The following SPPL2A variants were observed in gnomAD, a reference collection of about 807,000 sequenced individuals.
SPPL2A encodes signal peptide peptidase-like 2A.
In SPPL2A, 51 loss-of-function variants were observed where a neutral mutation model predicts 63.8. The ratio of observed to expected loss-of-function variants is 0.80; its 90% CI spans 0.64 to 1.01. The LOEUF is 1.01. Ranked by LOEUF, SPPL2A falls within the 50% of genes least tolerant of loss-of-function variation. The probability of loss-of-function intolerance (pLI) is 0.00; values close to 1 mark genes in which losing one functional copy is unlikely to be tolerated. For missense variants in SPPL2A, 553 were observed against 622.7 expected (o/e 0.89, Z 1.19); for synonymous variants, 188 against 205.8 (o/e 0.91, Z 0.74).
intron 12 of SPPL2A, 37 bp downstream of exon 12, chr15:50,725,184 G>GTTT: frequency 2.2e-6 from 2 of 924,278 alleles, no homozygotes; most frequent in Admixed American, 2.3e-5. Flanking sequence ...AATCATCAGT[G>GTTT]TTTTTTTTTT....
intron 14 of SPPL2A, among the ~76,000 whole-genome samples, chr15:50,714,051 G>A (rs1188259388): frequency 6.6e-6 from 1 of 152,158 alleles, no homozygotes; most frequent in Non-Finnish European, 1.5e-5. Context: ...AATTTAGGCA[G>A]CCTGGTACTA....
At chr15:50,760,555 G>A (rs114576871) in intron 1 of SPPL2A, among the ~76,000 whole-genome samples, 3,937 of 152,218 alleles carry the variant, frequency 0.026, 96 homozygotes, top group African/African-American at 0.062. Context: ...CACCACACCT[G>A]GCCTGATGTC....
At chr15:50,749,412 T>C (rs2062887459) in intron 2 of SPPL2A, among the ~76,000 whole-genome samples, 1 of 151,992 alleles carries the variant, frequency 6.6e-6, no homozygotes, top group Admixed American at 6.6e-5. Flanking sequence ...CTCAGCCTCC[T>C]GAGTAGCTGG....
chr15:50,765,565 G>T lies in SPPL2A; in HGVS notation c.-32C>A. 1 of 1,389,806 alleles carries T rather than the reference G, an allele frequency of 7.2e-7. No homozygotes were observed. Among genetic ancestry groups the T allele is most frequent in the Non-Finnish European group, 9.3e-7 (1 of 1,070,806 alleles). The allele number at this position is 1,389,806 out of a possible 1,614,324, so 86.1% of individuals were successfully genotyped here. ...GGTGGGTGCCGGGTGGGACGGCACGGTGCGGCGCAGCTCACTCGGCGGGGT... is the reference window on the plus strand; with the variant it reads ...GGTGGGTGCCGGGTGGGACGGCACGTTGCGGCGCAGCTCACTCGGCGGGGT... On this transcript the variant is annotated 5_prime_UTR_variant, in exon 1 of 15. Coordinates refer to ENST00000261854, the MANE Select transcript of SPPL2A (RefSeq NM_032802.4).
At chr15:50,762,082 T>C (rs565409326) in intron 1 of SPPL2A, among the ~76,000 whole-genome samples, 71 of 151,976 alleles carry the variant, frequency 4.7e-4, no homozygotes, top group Non-Finnish European at 9.0e-4. Context: ...AATGTAATTA[T>C]GGCAGCCAGG....
At chr15:50,736,241 G>C (rs1353631713) in intron 7 of SPPL2A, 39 bp from the exon 8 acceptor site, 2 of 1,156,808 alleles carry the variant, frequency 1.7e-6, no homozygotes, top group Non-Finnish European at 2.6e-6. Context: ...TGCAGATGAA[G>C]TACAATGTTC....
Position 50,765,379 on chromosome 15 carries a change from C to T in SPPL2A, c.66+89G>A. 5 of 1,026,190 alleles carry T rather than the reference C, an allele frequency of 4.9e-6. No individual in the cohort carries two copies. In the South Asian group the frequency reaches 8.4e-5, roughly 17 times the overall value. 63.6% of individuals were successfully genotyped at this position (1,026,190 alleles called of 1,614,324 possible). On this transcript the variant is annotated intron_variant, in intron 1 of 14. Transcript: ENST00000261854. ...CGCGGAGGTGCGGGCAGAGGGGAGG[C>T]CGGGCGAGGAGTAGGGGAAGGGAGC...
chr15:50,747,383 C>T (rs1408486431), intron 5 of SPPL2A, 112 bp downstream of exon 5: 1 of 862,398 alleles, frequency 1.2e-6, no homozygotes, highest in East Asian at 2.5e-5. Flanking sequence ...ACTGGGCTTA[C>T]TGGCATCATA....
rs1216501847 is a variant in SPPL2A at position 50,704,020 on chromosome 15, A to ATTTAT, written c.*3779_*3780insATAAA. On this transcript the variant is annotated 3_prime_UTR_variant, in exon 15 of 15. Transcript: ENST00000261854. ...TCTTTAAAAGAGAAATAAATTGCAG[A>ATTTAT]TTCTACTAAGGAATTGCTAATCTAA... The ATTTAT allele has an allele frequency of 6.6e-6, 1 of 152,080 alleles. No homozygotes were observed. The highest frequency in any genetic ancestry group is 1.5e-5 in the Non-Finnish European group (1 of 68,006). The allele number at this position is 152,080 out of a possible 1,614,324, so 9.4% of individuals were successfully genotyped here. A position where few individuals can be genotyped will look rare whatever the true frequency, so the allele number is the denominator to read the frequency against.
intron 1 of SPPL2A, among the ~76,000 whole-genome samples, chr15:50,762,235 G>A (rs2063018328): frequency 6.6e-6 from 1 of 151,810 alleles, no homozygotes; most frequent in African/African-American, 2.4e-5. Flanking sequence ...AGGTGTGGTG[G>A]CAGGCACCTG....
At chr15:50,745,006 G>A (rs1388937802) in intron 5 of SPPL2A, among the ~76,000 whole-genome samples, 1 of 152,304 alleles carries the variant, frequency 6.6e-6, no homozygotes, top group Admixed American at 6.5e-5. Flanking sequence ...TTGGAGAAAA[G>A]GGAAGCATAT....
chr15:50,756,349 T>A (rs1253935480), intron 1 of SPPL2A, among the ~76,000 whole-genome samples: 1 of 103,132 alleles, frequency 9.7e-6, no homozygotes, highest in African/African-American at 4.2e-5. Flanking sequence ...AGAGTCAGAC[T>A]CCGTCTCAAA....
intron 13 of SPPL2A, among the ~76,000 whole-genome samples, chr15:50,721,001 AAT>A (rs2062642028): frequency 6.6e-6 from 1 of 152,110 alleles, no homozygotes; most frequent in Admixed American, 6.5e-5. Flanking sequence ...TTTGGATACT[AAT>A]ATGTTAAAGC....
chr15:50,740,859 C>T (rs1339066904), intron 5 of SPPL2A, among the ~76,000 whole-genome samples: 1 of 152,128 alleles, frequency 6.6e-6, no homozygotes, highest in South Asian at 2.1e-4. Flanking sequence ...CCACCCACCT[C>T]AGCCTCCCAA....
intron 10 of SPPL2A, among the ~76,000 whole-genome samples, chr15:50,728,056 T>C (rs2062699916): frequency 6.6e-6 from 1 of 152,216 alleles, no homozygotes; most frequent in African/African-American, 2.4e-5. Context: ...ATTCTATGTA[T>C]ATGGAATGCA....
chr15:50,719,886 C>A, intron 14 of SPPL2A, 54 bp downstream of exon 14: 1 of 1,414,150 alleles, frequency 7.1e-7, no homozygotes, highest in Non-Finnish European at 9.8e-7. Flanking sequence ...CACCCAAAAT[C>A]AGTCAGTAAA....
At chr15:50,708,506 G>A (rs574171366) in intron 14 of SPPL2A, among the ~76,000 whole-genome samples, 73 of 152,066 alleles carry the variant, frequency 4.8e-4, no homozygotes, top group African/African-American at 1.7e-3. Context: ...AGGAGTTCGA[G>A]ACCAGCCTGG....
intron 14 of SPPL2A, among the ~76,000 whole-genome samples, chr15:50,715,711 T>A (rs1345377363): frequency 6.6e-6 from 1 of 151,928 alleles, no homozygotes; most frequent in Non-Finnish European, 1.5e-5. Context: ...GTAATTAAGA[T>A]ACAAAAAAGA....
rs561342880 is a variant in SPPL2A at position 50,717,113 on chromosome 15, T to G, written c.1488+2827A>C. On this transcript the variant is annotated intron_variant, in intron 14 of 14. Coordinates refer to ENST00000261854, the MANE Select transcript of SPPL2A (RefSeq NM_032802.4). ...ATTATGCCTCTAAATTTCTCTTAAC[T>G]TTGTTCACGTCTTTCCATCTCACTA... is the stretch of plus-strand genomic sequence containing the variant. Among the ~76,000 whole-genome samples the G allele has an allele frequency of 1.1e-4, 17 of 152,324 alleles. 1 individual carries two copies. Among genetic ancestry groups the G allele is most frequent in the African/African-American group, 4.1e-4 (17 of 41,582 alleles).
Sources: gnomAD v4.1 joint callset for allele counts (sites outside exome capture counted in the v4.1 genomes callset) on GRCh38, gnomAD v4.1.1 for gene constraint, MANE v1.5 for transcripts, NCBI Gene and HGNC (gene_info 2026-07-23, HGNC 2026-07-21) for gene names.